Variants in EXT1 observed in about 807,000 individuals in gnomAD.
EXT1 encodes the protein exostosin glycosyltransferase 1.
EXT1 carries 20 observed loss-of-function variants against 82.5 expected under a neutral mutation model. That is an observed-to-expected ratio of 0.24 (90% confidence interval 0.17 to 0.35). The LOEUF is 0.35. Among genes scored for constraint, EXT1 ranks in the 10% least tolerant of loss-of-function variants. EXT1 has a pLI of 1.00. For synonymous variants in EXT1, 348 were observed against 350.8 expected, an observed-to-expected ratio of 0.99 and a Z score of 0.09; for missense variants, 757 against 936.5, an observed-to-expected ratio of 0.81 and a Z score of 2.50.
intron 8 of EXT1, among the ~76,000 whole-genome samples, chr8:117,811,815 C>T (rs1823329426): frequency 6.6e-6 from 1 of 152,086 alleles, no homozygotes; most frequent in African/African-American, 2.4e-5. Context: ...AAGGTTTCAC[C>T]ATATTGGCCA....
In EXT1 at chr8:118,100,420, C is replaced by T. The variant is rs11562810; in HGVS notation, c.962+9665G>A. Among the ~76,000 whole-genome samples, 864 of 152,236 alleles carry T rather than the reference C, an allele frequency of 5.7e-3. 31 individuals carry two copies. Among genetic ancestry groups the T allele is most frequent in the Admixed American group, 0.047 (715 of 15,296 alleles). On this transcript the variant is annotated intron_variant, in intron 1 of 10. Transcript: ENST00000378204. Reference sequence around the variant, plus strand: ...GCTGAGCTCCACTCACACACGGTGTCCCTCCAAATGTTACCCTCAACTGGC... The same window carrying T: ...GCTGAGCTCCACTCACACACGGTGTTCCTCCAAATGTTACCCTCAACTGGC...
In EXT1 at chr8:117,858,849, GAAAGAAAGAAAGAAAGAAA is replaced by G. The variant is rs1812629044; in HGVS notation, c.963-21667_963-21649del. ...GGAAGGAAGGAAGGAAGGAAGGAAA[GAAAGAAAGAAAGAAAGAAA>G]GAAAGAAAGAAAGAAAGAAAGAAAG... On this transcript the variant is annotated intron_variant, in intron 1 of 10. Coordinates refer to ENST00000378204, the MANE Select transcript of EXT1 (RefSeq NM_000127.3). Among the ~76,000 whole-genome samples, 445 of 74,166 alleles carry G rather than the reference GAAAGAAAGAAAGAAAGAAA, an allele frequency of 6.0e-3. 23 individuals carry two copies. The highest frequency in any genetic ancestry group is 0.011 in the Admixed American group (81 of 7,482). 48.7% of individuals were successfully genotyped at this position (74,166 alleles called of 152,430 possible). A position where few individuals can be genotyped will look rare whatever the true frequency, so the allele number is the denominator to read the frequency against.
intron 1 of EXT1, among the ~76,000 whole-genome samples, chr8:117,879,111 A>G (rs144055712): frequency 1.1e-4 from 17 of 152,380 alleles, no homozygotes; most frequent in Admixed American, 5.2e-4. Flanking sequence ...GCTCAAGAAT[A>G]TATCATCCTA....
At chr8:118,061,924 G>A (rs1816887551) in intron 1 of EXT1, among the ~76,000 whole-genome samples, 1 of 151,984 alleles carries the variant, frequency 6.6e-6, no homozygotes, top group South Asian at 2.1e-4. Flanking sequence ...GGAGCAACTG[G>A]ATAAAATGAC....
intron 1 of EXT1, among the ~76,000 whole-genome samples, chr8:117,921,338 C>A (rs1157462786): frequency 4.6e-5 from 7 of 152,102 alleles, no homozygotes; most frequent in African/African-American, 1.4e-4. Flanking sequence ...GGAGACAGAC[C>A]CAGTGAGACA....
intron 1 of EXT1, among the ~76,000 whole-genome samples, chr8:117,899,472 T>C (rs2129963518): frequency 6.6e-6 from 1 of 152,342 alleles, no homozygotes; most frequent in African/African-American, 2.4e-5. Flanking sequence ...AAAATGAGTC[T>C]GCAGATGCTC....
At chr8:117,965,909 T>C (rs534759987) in intron 1 of EXT1, among the ~76,000 whole-genome samples, 3 of 152,222 alleles carry the variant, frequency 2.0e-5, no homozygotes, top group South Asian at 4.1e-4. Context: ...AAATTTCCAC[T>C]TGGAGGAATA....
intron 1 of EXT1, among the ~76,000 whole-genome samples, chr8:117,841,728 A>C (rs1812278161): frequency 6.6e-6 from 1 of 152,186 alleles, no homozygotes; most frequent in Admixed American, 6.5e-5. Flanking sequence ...CATGACCTTG[A>C]ATTTAACCTA....
chr8:118,027,427 A>G (rs1310378446), intron 1 of EXT1, among the ~76,000 whole-genome samples: 1 of 152,136 alleles, frequency 6.6e-6, no homozygotes, highest in Admixed American at 6.5e-5. Context: ...ACTGAGGCTC[A>G]ATGAATTTAA....
intron 1 of EXT1, among the ~76,000 whole-genome samples, chr8:118,047,892 T>C (rs141040713): frequency 1.3e-5 from 2 of 152,106 alleles, no homozygotes; most frequent in East Asian, 3.9e-4. Context: ...AATTAATCAA[T>C]CAATACCTAG....
At position 117,874,575 on chromosome 8, in the gene EXT1, C is replaced by CAAAAAAAAAAAAAAAAAAAAAAAAAA. The variant is rs61249983; in HGVS notation, c.963-37375_963-37374insTTTTTTTTTTTTTTTTTTTTTTTTTT. Among the ~76,000 whole-genome samples, 182 of 69,618 alleles carry CAAAAAAAAAAAAAAAAAAAAAAAAAA rather than the reference C, an allele frequency of 2.6e-3. 2 individuals carry two copies. Among genetic ancestry groups the CAAAAAAAAAAAAAAAAAAAAAAAAAA allele is most frequent in the East Asian group, 5.9e-3 (11 of 1,876 alleles). The allele number at this position is 69,618 out of a possible 152,430, so 45.7% of individuals were successfully genotyped here. A position where few individuals can be genotyped will look rare whatever the true frequency, so the allele number is the denominator to read the frequency against. ...TAGGCAACAAAGTGAGACTCTGCCT[C>CAAAAAAAAAAAAAAAAAAAAAAAAAA]AAAAAAAAAAAAAAAAAAGAACAAT... On this transcript the variant is annotated intron_variant, in intron 1 of 10. Transcript: ENST00000378204.
intron 1 of EXT1, among the ~76,000 whole-genome samples, chr8:117,930,779 T>C (rs1013074970): frequency 6.6e-6 from 1 of 152,144 alleles, no homozygotes; most frequent in African/African-American, 2.4e-5. Context: ...TGTTTAGTCA[T>C]AGGGCGAGAT....
intron 1 of EXT1, among the ~76,000 whole-genome samples, chr8:118,043,986 C>G (rs956978099): frequency 6.6e-6 from 1 of 152,132 alleles, no homozygotes; most frequent in Non-Finnish European, 1.5e-5. Flanking sequence ...TCAATATATA[C>G]CTTATTTACA....
intron 1 of EXT1, among the ~76,000 whole-genome samples, chr8:117,844,864 C>T (rs1167016617): frequency 1.3e-5 from 2 of 151,414 alleles, no homozygotes; most frequent in African/African-American, 4.9e-5. Flanking sequence ...GGAGGTGGTA[C>T]AATTCCTTAC....
intron 1 of EXT1, among the ~76,000 whole-genome samples, chr8:117,890,415 T>C (rs769874660): frequency 1.7e-4 from 26 of 152,164 alleles, no homozygotes; most frequent in Admixed American, 4.6e-4. Context: ...TTTAACATCC[T>C]ACAATGCGCA....
At chr8:117,806,597 A>G (rs1823241521) in intron 9 of EXT1, among the ~76,000 whole-genome samples, 1 of 151,978 alleles carries the variant, frequency 6.6e-6, no homozygotes, top group Non-Finnish European at 1.5e-5. Flanking sequence ...CAGGGCATTT[A>G]TTCTCGCTGT....
intron 1 of EXT1, among the ~76,000 whole-genome samples, chr8:118,040,713 A>G (rs533819622): frequency 6.6e-6 from 1 of 152,360 alleles, no homozygotes; most frequent in Non-Finnish European, 1.5e-5. Flanking sequence ...CTCCTCCAGC[A>G]GGCAATAAGC....
chr8:117,819,615 G>A (rs1046274167), intron 6 of EXT1, 61 bp downstream of exon 6: 2 of 1,410,840 alleles, frequency 1.4e-6, no homozygotes, highest in Admixed American at 3.3e-5. Context: ...AGGTAAGGAG[G>A]GCGGAGTCTC....
At chr8:118,020,111 C>A (rs1023361011) in intron 1 of EXT1, among the ~76,000 whole-genome samples, 2 of 152,106 alleles carry the variant, frequency 1.3e-5, no homozygotes, top group African/African-American at 2.4e-5. Flanking sequence ...AATAAGAGAA[C>A]CTAAAATTTG....
Sources: allele counts gnomAD v4.1 joint callset (sites outside exome capture counted in the v4.1 genomes callset), GRCh38; gene constraint gnomAD v4.1.1; transcripts MANE v1.5; gene names NCBI Gene and HGNC (gene_info 2026-07-23, HGNC 2026-07-21).